The following EXOC4 variants were observed in gnomAD, a reference collection of about 807,000 sequenced individuals.
EXOC4 encodes the protein exocyst complex component 4.
In EXOC4, 71 loss-of-function variants were observed where a neutral mutation model predicts 107.2. That is an observed-to-expected ratio of 0.66 (90% CI 0.55 to 0.81). EXOC4 has a LOEUF of 0.81. EXOC4 is among the 30% of genes least tolerant of loss of function. EXOC4 has a pLI of 0.00. For synonymous variants in EXOC4, 456 were observed against 441.2 expected, an observed-to-expected ratio of 1.03 and a Z score of -0.42; for missense variants, 1,108 against 1,189.6, an observed-to-expected ratio of 0.93 and a Z score of 1.01.
intron 11 of EXOC4, among the ~76,000 whole-genome samples, chr7:133,883,009 A>G (rs944307627): frequency 1.3e-5 from 2 of 152,174 alleles, no homozygotes; most frequent in African/African-American, 4.8e-5. Flanking sequence ...CAGCTATTCC[A>G]TCAGTAAAAT....
intron 14 of EXOC4, among the ~76,000 whole-genome samples, chr7:133,984,367 A>G (rs1794066067): frequency 6.6e-6 from 1 of 152,184 alleles, no homozygotes; most frequent in African/African-American, 2.4e-5. Context: ...TTCTTTCTAT[A>G]TAGTTTGATA....
intron 10 of EXOC4, among the ~76,000 whole-genome samples, chr7:133,664,585 C>A (rs974088654): frequency 1.3e-5 from 2 of 152,156 alleles, no homozygotes; most frequent in African/African-American, 4.8e-5. Flanking sequence ...ATATTACCAT[C>A]TCCAATTCTT....
chr7:133,968,811 A>T (rs891276288), intron 14 of EXOC4, among the ~76,000 whole-genome samples: 2 of 151,904 alleles, frequency 1.3e-5, no homozygotes, highest in African/African-American at 4.8e-5. Flanking sequence ...TCTAACAATT[A>T]TGTGTCTTGG....
At chr7:133,422,266 G>C (rs1328236069) in intron 7 of EXOC4, among the ~76,000 whole-genome samples, 1 of 152,118 alleles carries the variant, frequency 6.6e-6, no homozygotes, top group Non-Finnish European at 1.5e-5. Context: ...CAAAACAGAA[G>C]TTTAAATCGG....
In EXOC4 at chr7:133,763,958, G is replaced by A. The variant is rs201347441; in HGVS notation, c.1515-53367G>A. Among the ~76,000 whole-genome samples the A allele has an allele frequency of 2.1e-3, 315 of 152,022 alleles. 3 individuals are homozygous for A. Among genetic ancestry groups the A allele is most frequent in the African/African-American group, 7.3e-3 (302 of 41,514 alleles). ...GTGTCTTAGTCTTGTTTTGATTTTT[G>A]TAGCCATAAAAAATAAACCACAAAG... On this transcript the variant is annotated intron_variant, in intron 10 of 17. Coordinates refer to ENST00000253861, the MANE Select transcript of EXOC4 (RefSeq NM_021807.4).
At chr7:133,370,367 A>G (rs1380861359) in intron 6 of EXOC4, among the ~76,000 whole-genome samples, 1 of 151,986 alleles carries the variant, frequency 6.6e-6, no homozygotes, top group African/African-American at 2.4e-5. Context: ...GTATGTGTAA[A>G]ATATACATTG....
chr7:133,669,839 A>G (rs531985959), intron 10 of EXOC4, among the ~76,000 whole-genome samples: 80 of 152,322 alleles, frequency 5.3e-4, no homozygotes, highest in African/African-American at 1.9e-3. Flanking sequence ...GAACACTTAC[A>G]AGGACTCTAA....
intron 8 of EXOC4, among the ~76,000 whole-genome samples, chr7:133,477,733 T>C (rs983409698): frequency 1.3e-5 from 2 of 152,254 alleles, no homozygotes; most frequent in African/African-American, 4.8e-5. Flanking sequence ...TGTCAAACTG[T>C]CTTCTAAAGT....
intron 17 of EXOC4, among the ~76,000 whole-genome samples, chr7:134,033,794 G>C (rs976829936): frequency 6.6e-6 from 1 of 151,992 alleles, no homozygotes. Context: ...AGAGAGAGGG[G>C]CATAAAAAAA....
intron 14 of EXOC4, among the ~76,000 whole-genome samples, chr7:133,964,056 G>A (rs1801006564): frequency 6.6e-6 from 1 of 151,992 alleles, no homozygotes; most frequent in South Asian, 2.1e-4. Context: ...GTATGCCCCT[G>A]TGAAATCTTT....
chr7:133,898,019 C>T (rs1384750401), intron 12 of EXOC4, among the ~76,000 whole-genome samples: 1 of 151,276 alleles, frequency 6.6e-6, no homozygotes, highest in East Asian at 1.9e-4. Flanking sequence ...ACCCCAATCC[C>T]CCAGCCCCCA....
At chr7:133,436,058 T>TG (rs113325786) in intron 7 of EXOC4, among the ~76,000 whole-genome samples, 2,426 of 151,336 alleles carry the variant, frequency 0.016, 52 homozygotes, top group African/African-American at 0.044. Flanking sequence ...GTTTTTTTTT[T>TG]TTTGTTTTTT....
At chr7:133,682,067 T>TTTTTTC (rs1794199302) in intron 10 of EXOC4, among the ~76,000 whole-genome samples, 1 of 151,952 alleles carries the variant, frequency 6.6e-6, no homozygotes. Context: ...TGCCCAGCTA[T>TTTTTTC]TTTTTCTTTT....
At chr7:133,659,194 T>C (rs908573728) in intron 10 of EXOC4, among the ~76,000 whole-genome samples, 14 of 152,034 alleles carry the variant, frequency 9.2e-5, no homozygotes, top group Admixed American at 2.0e-4. Flanking sequence ...ATTTCTTGGC[T>C]GTATGATATA....
chr7:133,311,015 G>A (rs1458461499), intron 4 of EXOC4, among the ~76,000 whole-genome samples: 1 of 152,156 alleles, frequency 6.6e-6, no homozygotes, highest in African/African-American at 2.4e-5. Context: ...TAGAAGATAG[G>A]CAGTAGAATT....
the EXOC4 span, among the ~76,000 whole-genome samples, chr7:134,076,199 A>C: frequency 6.6e-6 from 1 of 152,194 alleles, no homozygotes; most frequent in African/African-American, 2.4e-5. Flanking sequence ...ACAAGTCCTC[A>C]GTCAGTACAT....
At chr7:133,555,209 G>A (rs1423064679) in intron 9 of EXOC4, among the ~76,000 whole-genome samples, 1 of 151,872 alleles carries the variant, frequency 6.6e-6, no homozygotes, top group African/African-American at 2.4e-5. Context: ...TTTTTTTCTT[G>A]GTCACTGAGC....
chr7:133,581,571 A>T (rs529923199), intron 9 of EXOC4, among the ~76,000 whole-genome samples: 4,479 of 151,522 alleles, frequency 0.03, 101 homozygotes, highest in South Asian at 0.058. Context: ...ATCCTGGCTA[A>T]CACGGTGAAA....
chr7:133,695,686 T>G (rs1794518362), intron 10 of EXOC4, among the ~76,000 whole-genome samples: 1 of 152,200 alleles, frequency 6.6e-6, no homozygotes, highest in Admixed American at 6.5e-5. Context: ...TCACCTTAAA[T>G]AAGTCTGTAT....
Sources: gnomAD v4.1 joint callset for allele counts (sites outside exome capture counted in the v4.1 genomes callset) on GRCh38, gnomAD v4.1.1 for gene constraint, MANE v1.5 for transcripts, NCBI Gene and HGNC (gene_info 2026-07-23, HGNC 2026-07-21) for gene names.